SNURF: variants seen among roughly 807,000 people sequenced by gnomAD.
SNURF encodes the protein SNRPN upstream open reading frame.
In SNURF, 6 loss-of-function variants were observed where a neutral mutation model predicts 11.6. The ratio of observed to expected loss-of-function variants is 0.52; its 90% confidence interval spans 0.28 to 1.02. The LOEUF (loss-of-function observed/expected upper bound fraction) is 1.02, where lower values mean the gene tolerates loss of function less well. Among genes scored for constraint, SNURF ranks in the 50% least tolerant of loss-of-function variants. The pLI, the probability that SNURF is intolerant of heterozygous loss-of-function variation, is 0.09. For synonymous variants in SNURF, 29 were observed against 31.6 expected, an observed-to-expected ratio of 0.92 and a Z score of 0.27; for missense variants, 84 against 88.4, an observed-to-expected ratio of 0.95 and a Z score of 0.20.
At chr15:24,955,824 AGGCATGGCGGCGGTG>A (rs1245218718) in intron 1 of SNURF, among the ~76,000 whole-genome samples, 3 of 149,434 alleles carry the variant, frequency 2.0e-5, no homozygotes, top group Admixed American at 6.7e-5. Context: ...TGGCGGCGGT[AGGCATGGCGGCGGTG>A]GGCATGGCAT....
intron 1 of SNURF, chr15:24,958,732 T>G (rs1200380961): frequency 6.5e-6 from 1 of 153,600 alleles, no homozygotes; most frequent in African/African-American, 2.4e-5. Context: ...ATTTTTTTGT[T>G]TTTAGGAGAC....
chr15:24,962,130 A>G, exon 2 of SNURF: 1 of 1,614,188 alleles, frequency 6.2e-7, no homozygotes, highest in Non-Finnish European at 8.5e-7. Context: ...CTTACACCTG[A>G]GACGAACTAC....
downstream of SNURF, among the ~76,000 whole-genome samples, chr15:24,972,927 G>A (rs897003031): frequency 6.6e-6 from 1 of 152,052 alleles, no homozygotes; most frequent in African/African-American, 2.4e-5. Flanking sequence ...TTGCTCTGTT[G>A]CCCAGGCTGG....
chr15:24,970,714 T>C (rs1379147313), downstream of SNURF, among the ~76,000 whole-genome samples: 1 of 152,198 alleles, frequency 6.6e-6, no homozygotes, highest in Non-Finnish European at 1.5e-5. Flanking sequence ...AACGTTTTTG[T>C]TACATTGTTT....
rs936750031 is a variant in SNURF, at chr15:24,974,694, C to T, written c.*46-664C>T. 2.8e-5 allele frequency: 17 copies of T among 611,986 alleles called. 1 individual carries two copies. Among genetic ancestry groups the T allele is most frequent in the Admixed American group, 2.3e-4 (8 of 34,978 alleles). The allele number at this position is 611,986 out of a possible 1,614,324, so 37.9% of individuals were successfully genotyped here. A position where few individuals can be genotyped will look rare whatever the true frequency, so the allele number is the denominator to read the frequency against. On this transcript the variant is annotated intron_variant and NMD_transcript_variant, in intron 3 of 6. Coordinates refer to the SNURF transcript ENST00000580062. ...GGAGTGCAGTGGTGCGGTCTTGGCT[C>T]ACTGCAACCCTGGGTTCAAGAGATT...
chr15:24,973,326 A>G (rs2076672104), downstream of SNURF, among the ~76,000 whole-genome samples: 1 of 152,222 alleles, frequency 6.6e-6, no homozygotes, highest in Admixed American at 6.5e-5. Context: ...TTGTGTAAGT[A>G]CACTGTTCAT....
chr15:24,955,254 C>T (rs1251712841), intron 1 of SNURF, among the ~76,000 whole-genome samples, 192 bp downstream of exon 1: 1 of 152,108 alleles, frequency 6.6e-6, no homozygotes, highest in East Asian at 1.9e-4. Context: ...CGATGGTATC[C>T]TGTCCGCTCG....
At chr15:24,955,931 G>A (rs1326392477) in intron 1 of SNURF, among the ~76,000 whole-genome samples, 3 of 150,660 alleles carry the variant, frequency 2.0e-5, no homozygotes, top group African/African-American at 7.3e-5. Context: ...GTGTAGAGGA[G>A]GGGGCATCAG....
chr15:24,962,213 A>G lies in SNURF; in HGVS notation c.110+4A>G. On this transcript the variant is annotated splice_donor_region_variant and intron_variant, in intron 2 of 2. Coordinates refer to ENST00000577949, the Ensembl canonical transcript of SNURF. ...CTGCCTCACTGAGCAACCAAGAGTG[A>G]GTACAGACTGTGTTGGGAACAAATG... The G allele has an allele frequency of 6.2e-7, 1 of 1,612,384 alleles. No individual in the cohort carries two copies. Among genetic ancestry groups the G allele is most frequent in the East Asian group, 2.2e-5 (1 of 44,856 alleles).
At chr15:24,971,922 T>C (rs571481697), downstream of SNURF, among the ~76,000 whole-genome samples, 44 of 152,244 alleles carry the variant, frequency 2.9e-4, no homozygotes, top group African/African-American at 4.6e-4. Context: ...TGTTGTCTCT[T>C]TGGATGGCTG....
Position 24,963,235 on chromosome 15 carries a change from A to G in SNURF, c.110+1026A>G, listed in dbSNP as rs1322242422. ...TACAAAGTGTGCGTGGTGTGATAAC[A>G]TTATTATTGTAATCGTTAGCTTGCT... On this transcript the variant is annotated intron_variant, in intron 2 of 2. Coordinates refer to ENST00000577949, the Ensembl canonical transcript of SNURF. Among the ~76,000 whole-genome samples, 3 of 152,234 alleles carry G rather than the reference A, an allele frequency of 2.0e-5. No homozygotes were observed. The South Asian group carries it at 6.2e-4, about 32-fold the overall frequency.
At chr15:24,971,143 C>T (rs945835418), downstream of SNURF, among the ~76,000 whole-genome samples, 1 of 152,072 alleles carries the variant, frequency 6.6e-6, no homozygotes, top group African/African-American at 2.4e-5. Flanking sequence ...GTAGTTTAAT[C>T]ATTTGAAAGT....
intron 1 of SNURF, among the ~76,000 whole-genome samples, chr15:24,956,355 G>GGGGGGC (rs2062883287): frequency 1.5e-5 from 1 of 66,050 alleles, no homozygotes; most frequent in Admixed American, 1.8e-4. Flanking sequence ...GCGCTTCAGC[G>GGGGGGC]GGGGGGTGGC....
Position 24,962,191 on chromosome 15 carries a change from C to T in SNURF, c.92C>T (p.Ala31Val), listed in dbSNP as rs779082047. The change falls in exon 2 of 3, where the codon GCC (alanine) becomes GTC (valine). Residue 31 changes from alanine to valine, a missense_variant. Transcript: ENST00000577949. ...GTCCAAGTCAAACGCAGAAGGACTG[C>T]CTCACTGAGCAACCAAGAGTGAGTA... The T allele has an allele frequency of 8.1e-6, 13 of 1,613,916 alleles. No homozygotes were observed. The African/African-American group carries it at 1.3e-4, about 17-fold the overall frequency.
At chr15:24,977,071 G>T (rs758259881) in intron 6 of SNURF, 5 of 1,476,522 alleles carry the variant, frequency 3.4e-6, no homozygotes, top group Admixed American at 2.4e-5. Context: ...GGGAGAATAT[G>T]ACTAAGCCGG....
chr15:24,966,635 C>G (rs1278673515), intron 2 of SNURF, among the ~76,000 whole-genome samples: 1 of 152,252 alleles, frequency 6.6e-6, no homozygotes, highest in Admixed American at 6.5e-5. Flanking sequence ...AGGGACCCAC[C>G]TTGAGTAACA....
intron 1 of SNURF, among the ~76,000 whole-genome samples, chr15:24,957,643 G>A (rs1031492390): frequency 2.0e-5 from 3 of 152,116 alleles, no homozygotes; most frequent in African/African-American, 7.2e-5. Context: ...TTAAATCTAC[G>A]AAGCCCGAAA....
chr15:24,978,096 T>C (rs1767443723), downstream of SNURF: 1 of 1,334,104 alleles, frequency 7.5e-7, no homozygotes, highest in South Asian at 1.3e-5. Flanking sequence ...ACTCTATCAT[T>C]GTTGTCTGGC....
At chr15:24,955,772 C>T (rs1156922316) in intron 1 of SNURF, among the ~76,000 whole-genome samples, 2 of 150,346 alleles carry the variant, frequency 1.3e-5, no homozygotes, top group Non-Finnish European at 3.0e-5. Context: ...GTATTGGCGG[C>T]GGTGGGCATT....
Sources: gnomAD v4.1 joint callset for allele counts (sites outside exome capture counted in the v4.1 genomes callset) on GRCh38, gnomAD v4.1.1 for gene constraint, MANE v1.5 for transcripts, NCBI Gene and HGNC (gene_info 2026-07-23, HGNC 2026-07-21) for gene names.